Variants in GUCY1A2 observed in about 807,000 individuals in gnomAD.
The protein encoded by GUCY1A2 is guanylate cyclase soluble subunit alpha-2.
In GUCY1A2, 27 loss-of-function variants were observed where a neutral mutation model predicts 63.5. The ratio of observed to expected loss-of-function variants is 0.43; its 90% confidence interval spans 0.31 to 0.59. GUCY1A2 has a LOEUF of 0.59. Among genes scored for constraint, GUCY1A2 ranks in the 20% least tolerant of loss-of-function variants. The pLI, the probability that GUCY1A2 is intolerant of heterozygous loss-of-function variation, is 0.11. For synonymous variants in GUCY1A2, 364 were observed against 343.5 expected, an observed-to-expected ratio of 1.06 and a Z score of -0.66; for missense variants, 768 against 913.3, an observed-to-expected ratio of 0.84 and a Z score of 2.05.
At chr11:106,787,977 G>A (rs2135410418) in intron 5 of GUCY1A2, among the ~76,000 whole-genome samples, 1 of 152,082 alleles carries the variant, frequency 6.6e-6, no homozygotes, top group Non-Finnish European at 1.5e-5. Context: ...CCCCATATTG[G>A]TTGTACTAAT....
chr11:106,810,052 T>G lies in GUCY1A2; in HGVS notation c.1633A>C (p.Met545Leu). The change falls in exon 5 of 8, where the codon ATG becomes CTG. Residue 545 changes from methionine (M) to leucine (L), a missense_variant. Physicochemically the swap from Met to Leu is conservative, Grantham distance 15. This residue lies in a region of GUCY1A2 where 122 missense variants were observed against 238.1 expected (regional missense o/e 0.51). Transcript: ENST00000526355. ...AATCTGGTGTACAGTTCATTCAGCA[T>G]GCTGATTACTTGCATGGGAGTACAC... Reference protein sequence around the residue: ...AQCTPMQVISMLNELYTRFDH... With the variant: ...AQCTPMQVISLLNELYTRFDH... 1.9e-6 allele frequency: 3 copies of G among 1,612,562 alleles called. No homozygotes were observed. Among genetic ancestry groups the G allele is most frequent in the Non-Finnish European group, 2.5e-6 (3 of 1,178,588 alleles).
chr11:106,984,679 C>A (rs1861379243), intron 2 of GUCY1A2, among the ~76,000 whole-genome samples: 1 of 152,064 alleles, frequency 6.6e-6, no homozygotes, highest in African/African-American at 2.4e-5. Flanking sequence ...AACATAAAAG[C>A]AAACAGGTAT....
chr11:106,902,877 C>T (rs1038957142), intron 4 of GUCY1A2, among the ~76,000 whole-genome samples: 2 of 152,046 alleles, frequency 1.3e-5, no homozygotes, highest in African/African-American at 4.8e-5. Flanking sequence ...TATGCAAATA[C>T]TACACTATTT....
chr11:106,783,572 A>G (rs1215542079), intron 5 of GUCY1A2, among the ~76,000 whole-genome samples: 1 of 152,180 alleles, frequency 6.6e-6, no homozygotes, highest in Non-Finnish European at 1.5e-5. Flanking sequence ...TCTGAGGACC[A>G]GATGAAGAAC....
intron 1 of GUCY1A2, among the ~76,000 whole-genome samples, chr11:107,002,002 G>C (rs1007563712): frequency 1.3e-5 from 2 of 150,750 alleles, no homozygotes; most frequent in South Asian, 2.1e-4. Flanking sequence ...CTGGGCGACA[G>C]AGTGAGACTC....
At chr11:106,811,718 T>C (rs1362117135) in intron 4 of GUCY1A2, among the ~76,000 whole-genome samples, 1 of 152,096 alleles carries the variant, frequency 6.6e-6, no homozygotes, top group Non-Finnish European at 1.5e-5. Context: ...TTTATGGAAT[T>C]AAATGCTCAC....
At chr11:106,876,091 C>G (rs1332738973) in intron 4 of GUCY1A2, among the ~76,000 whole-genome samples, 3 of 151,932 alleles carry the variant, frequency 2.0e-5, no homozygotes, top group African/African-American at 7.3e-5. Flanking sequence ...TCAGTATCTT[C>G]CCCCTTGGAA....
intron 1 of GUCY1A2, among the ~76,000 whole-genome samples, chr11:107,005,604 G>A (rs916659245): frequency 4.6e-5 from 7 of 152,074 alleles, no homozygotes; most frequent in Non-Finnish European, 8.8e-5. Context: ...TGTTTTTTCT[G>A]AGAGCCCCTA....
In GUCY1A2 at chr11:106,939,515, G is replaced by T; in HGVS notation, c.1151C>A (p.Thr384Asn). Reference protein sequence around the residue: ...TFERVLLRLSTPFVIRTKPEA... With the variant: ...TFERVLLRLSNPFVIRTKPEA... ...AGGCTTGGTTCTAATCACAAACGGG[G>T]TAGACAGTCGCAGCAGGACCCTTTC... is the stretch of plus-strand genomic sequence containing the variant. The change falls in exon 4 of 8, where the codon ACC becomes AAC. Residue 384 changes from threonine to asparagine, a missense_variant. Physicochemically the swap from Thr to Asn is moderately conservative, Grantham distance 65. Transcript: ENST00000526355. The T allele has an allele frequency of 6.2e-7, 1 of 1,613,034 alleles. No individual in the cohort carries two copies. Among genetic ancestry groups the T allele is most frequent in the Admixed American group, 1.7e-5 (1 of 59,998 alleles).
intron 6 of GUCY1A2, among the ~76,000 whole-genome samples, chr11:106,719,449 T>C (rs1050034179): frequency 1.3e-5 from 2 of 152,154 alleles, no homozygotes; most frequent in Admixed American, 6.5e-5. Flanking sequence ...TATTAATTCA[T>C]TCATCTAAAT....
intron 5 of GUCY1A2, among the ~76,000 whole-genome samples, chr11:106,807,655 A>G (rs1318677733): frequency 6.6e-6 from 1 of 152,154 alleles, no homozygotes; most frequent in Non-Finnish European, 1.5e-5. Flanking sequence ...TATTGTTCCT[A>G]GGTGTGTCTA....
intron 4 of GUCY1A2, among the ~76,000 whole-genome samples, chr11:106,880,382 G>GT (rs903229287): frequency 1.3e-5 from 2 of 151,906 alleles, no homozygotes; most frequent in East Asian, 1.9e-4. Flanking sequence ...AAGACTGCAT[G>GT]TTTTTTTACA....
intron 4 of GUCY1A2, among the ~76,000 whole-genome samples, chr11:106,859,155 A>G (rs1272616141): frequency 6.6e-6 from 1 of 152,036 alleles, no homozygotes; most frequent in African/African-American, 2.4e-5. Context: ...GTAAGAGTGC[A>G]GTAATTATAA....
chr11:106,915,195 A>C (rs1436130886), intron 4 of GUCY1A2, among the ~76,000 whole-genome samples: 2 of 152,118 alleles, frequency 1.3e-5, no homozygotes, highest in African/African-American at 2.4e-5. Flanking sequence ...AAGGTAAAAT[A>C]AAATATTGTA....
At position 106,690,438 on chromosome 11, in the gene GUCY1A2, G is replaced by C. The variant is rs1862603310; in HGVS notation, c.1992-2682C>G. 2.0e-5 allele frequency among the ~76,000 whole-genome samples: 3 copies of C among 152,108 alleles called. No individual in the cohort carries two copies. The South Asian group carries it at 6.2e-4, about 32-fold the overall frequency. On this transcript the variant is annotated intron_variant, in intron 7 of 7. Transcript: ENST00000526355. ...ATGCAGGAACAGAAAACCAAATACT[G>C]TATGTTCTCATTTATAATTGGGAAC...
intron 6 of GUCY1A2, among the ~76,000 whole-genome samples, chr11:106,710,726 T>C (rs1476764083): frequency 6.6e-6 from 1 of 152,130 alleles, no homozygotes; most frequent in Admixed American, 6.6e-5. Flanking sequence ...GGGGTTATAC[T>C]GACACAGTCT....
chr11:106,887,330 C>G (rs182516237), intron 4 of GUCY1A2, among the ~76,000 whole-genome samples: 5 of 152,254 alleles, frequency 3.3e-5, no homozygotes, highest in African/African-American at 4.8e-5. Context: ...CAGTAACTGA[C>G]TGATGAGTTA....
At chr11:106,769,547 T>C (rs929942863) in intron 6 of GUCY1A2, among the ~76,000 whole-genome samples, 12 of 152,172 alleles carry the variant, frequency 7.9e-5, no homozygotes, top group African/African-American at 2.9e-4. Context: ...TTTAAATAAA[T>C]ACTTTTTAAA....
At chr11:106,944,141 G>C (rs896216629) in intron 3 of GUCY1A2, among the ~76,000 whole-genome samples, 7 of 132,670 alleles carry the variant, frequency 5.3e-5, no homozygotes, top group African/African-American at 2.0e-4. Context: ...CTGGAGCCCA[G>C]GATGTTGAGG....
Sources: allele counts gnomAD v4.1 joint callset (sites outside exome capture counted in the v4.1 genomes callset), GRCh38; gene constraint gnomAD v4.1.1; regional missense constraint gnomAD v4.1.1; transcripts MANE v1.5; gene names NCBI Gene and HGNC (gene_info 2026-07-23, HGNC 2026-07-21).